The following CEP70 variants were observed in gnomAD, a reference collection of about 807,000 sequenced individuals.
CEP70 encodes centrosomal protein of 70 kDa.
CEP70 carries 70 observed loss-of-function variants against 90.9 expected under a neutral mutation model. The observed-to-expected ratio is 0.77, with a 90% CI of 0.64 to 0.94. CEP70 has a LOEUF of 0.94. Ranked by LOEUF, CEP70 falls within the 40% of genes least tolerant of loss-of-function variation. The pLI is 0.00. For missense variants in CEP70, 648 were observed against 669.0 expected (o/e 0.97, Z 0.35); for synonymous variants, 220 against 228.3 (o/e 0.96, Z 0.33).
chr3:138,528,265 G>A (rs1015376197), intron 10 of CEP70, among the ~76,000 whole-genome samples: 3 of 151,928 alleles, frequency 2.0e-5, no homozygotes, highest in Non-Finnish European at 2.9e-5. Flanking sequence ...TGCTGGTCTC[G>A]AATTCCTGCC....
At chr3:138,566,379 C>A (rs4894389) in intron 6 of CEP70, among the ~76,000 whole-genome samples, 69,270 of 152,008 alleles carry the variant, frequency 0.46, 17,376 homozygotes, top group Admixed American at 0.6. Context: ...CACATGCACA[C>A]GTTTATTGCA....
At chr3:138,515,621 A>C (rs952170535) in intron 11 of CEP70, among the ~76,000 whole-genome samples, 2 of 152,218 alleles carry the variant, frequency 1.3e-5, no homozygotes, top group Non-Finnish European at 2.9e-5. Context: ...CACTGTGTAC[A>C]TGTCCATGAA....
chr3:138,520,794 C>G (rs1297994942), intron 11 of CEP70, among the ~76,000 whole-genome samples: 1 of 152,094 alleles, frequency 6.6e-6, no homozygotes, highest in African/African-American at 2.4e-5. Context: ...CTCTCCCTCT[C>G]CCTTTTCACG....
intron 11 of CEP70, 150 bp from the exon 12 acceptor site, chr3:138,508,694 TG>T: frequency 1.6e-6 from 1 of 610,082 alleles, no homozygotes; most frequent in Non-Finnish European, 2.9e-6. Context: ...TGTATGTGTA[TG>T]TATAAACACA....
At chr3:138,542,607 G>A (rs1332185128) in intron 6 of CEP70, among the ~76,000 whole-genome samples, 1 of 152,218 alleles carries the variant, frequency 6.6e-6, no homozygotes, top group Non-Finnish European at 1.5e-5. Context: ...CCAGTGGAGG[G>A]TGGGAGGCCT....
intron 6 of CEP70, among the ~76,000 whole-genome samples, chr3:138,560,722 A>C (rs1166443864): frequency 6.6e-6 from 1 of 152,120 alleles, no homozygotes; most frequent in Non-Finnish European, 1.5e-5. Flanking sequence ...CTTGAGTAGC[A>C]GTTTTACTCA....
chr3:138,592,477 A>G (rs1176525377), intron 1 of CEP70, among the ~76,000 whole-genome samples: 1 of 152,014 alleles, frequency 6.6e-6, no homozygotes, highest in African/African-American at 2.4e-5. Context: ...GAAGAGACCA[A>G]ATGCTTTCTA....
At chr3:138,525,050 G>A (rs991530801) in intron 11 of CEP70, among the ~76,000 whole-genome samples, 1 of 152,158 alleles carries the variant, frequency 6.6e-6, no homozygotes, top group African/African-American at 2.4e-5. Flanking sequence ...TTAAGAAAAT[G>A]TGGCACATAT....
At chr3:138,568,607 T>C (rs1190022688) in intron 6 of CEP70, among the ~76,000 whole-genome samples, 1 of 152,126 alleles carries the variant, frequency 6.6e-6, no homozygotes, top group Non-Finnish European at 1.5e-5. Flanking sequence ...CCAATGCATA[T>C]AGAAAGTATT....
chr3:138,547,944 T>C (rs1358653889), intron 6 of CEP70, among the ~76,000 whole-genome samples: 1 of 152,180 alleles, frequency 6.6e-6, no homozygotes, highest in Non-Finnish European at 1.5e-5. Context: ...CACAGGGAAC[T>C]GAAATCACAA....
intron 2 of CEP70, among the ~76,000 whole-genome samples, chr3:138,582,222 T>G (rs1560460227): frequency 6.6e-6 from 1 of 152,096 alleles, no homozygotes; most frequent in Non-Finnish European, 1.5e-5. Context: ...GCCTGTAATC[T>G]CAGCACTTTG....
intron 11 of CEP70, among the ~76,000 whole-genome samples, chr3:138,510,537 T>G (rs1486423920): frequency 2.0e-5 from 3 of 152,226 alleles, no homozygotes; most frequent in Non-Finnish European, 2.9e-5. Flanking sequence ...AAATCATTGA[T>G]TGTTTTTCAA....
Position 138,570,420 on chromosome 3 carries a change from A to T in CEP70, c.363T>A (p.Ser121Arg), listed in dbSNP as rs760419588. Residue 121 changes from serine (S) to arginine (R), a missense_variant, in exon 6 of 18, where the codon AGT (serine) becomes AGA (arginine). Coordinates refer to ENST00000264982, the MANE Select transcript of CEP70 (RefSeq NM_024491.4). The stretch of plus-strand genomic sequence containing the variant: ...CCAATTCACCAATTTTGGATTTCAC[A>T]CTTTCCATAATTTGTTCCAAGTCAT... Reference protein sequence around the residue: ...RANDLEQIMESVKSKIGELED... With the variant: ...RANDLEQIMERVKSKIGELED... 2 of 1,610,092 alleles carry T rather than the reference A, an allele frequency of 1.2e-6. No homozygotes were observed. The highest frequency in any genetic ancestry group is 2.2e-5 in the South Asian group (2 of 90,156).
chr3:138,503,889 TAA>T (rs2034741493), intron 13 of CEP70, among the ~76,000 whole-genome samples: 1 of 152,236 alleles, frequency 6.6e-6, no homozygotes, highest in Non-Finnish European at 1.5e-5. Context: ...TTTAACGATA[TAA>T]ATGATTACAT....
chr3:138,546,959 G>GA lies in CEP70; in HGVS notation c.466-9613dup, dbSNP rs564297198. On this transcript the variant is annotated intron_variant, in intron 6 of 17. Coordinates refer to ENST00000264982, the MANE Select transcript of CEP70 (RefSeq NM_024491.4). ...TGCTGAGACTTAGCAACCCTCAGAG[G>GA]AAAAAAGGTTCTCAGCTTCTGGAAC... Among the ~76,000 whole-genome samples the GA allele has an allele frequency of 9.2e-5, 14 of 152,024 alleles. No homozygotes were observed. In the East Asian group the frequency reaches 2.7e-3, roughly 29 times the overall value.
chr3:138,534,347 A>G (rs1305388442), intron 7 of CEP70, among the ~76,000 whole-genome samples: 1 of 152,154 alleles, frequency 6.6e-6, no homozygotes, highest in East Asian at 1.9e-4. Flanking sequence ...GCATCTTAAC[A>G]TATACCAGCT....
intron 17 of CEP70, 106 bp downstream of exon 17, chr3:138,497,925 C>T (rs533835670): frequency 2.0e-5 from 30 of 1,524,356 alleles, no homozygotes; most frequent in Non-Finnish European, 2.4e-5. Flanking sequence ...TAGTGGTTTC[C>T]AACCACTAGG....
At chr3:138,504,952 T>C (rs1025782132) in intron 13 of CEP70, among the ~76,000 whole-genome samples, 5 of 151,972 alleles carry the variant, frequency 3.3e-5, no homozygotes, top group African/African-American at 1.2e-4. Flanking sequence ...CATGGAGATA[T>C]GAAAAGGAGG....
intron 6 of CEP70, among the ~76,000 whole-genome samples, chr3:138,564,088 G>C (rs536794299): frequency 1.2e-4 from 18 of 152,296 alleles, no homozygotes; most frequent in South Asian, 4.1e-4. Context: ...AAATAAACTA[G>C]AAAATCTAGA....
Sources: gnomAD v4.1 joint callset for allele counts (sites outside exome capture counted in the v4.1 genomes callset) on GRCh38, gnomAD v4.1.1 for gene constraint, MANE v1.5 for transcripts, NCBI Gene and HGNC (gene_info 2026-07-23, HGNC 2026-07-21) for gene names.